Variants in EXOC3L4 observed in about 807,000 individuals in gnomAD.
EXOC3L4 encodes the protein exocyst complex component 3 like 4.
Under a neutral mutation model 69.7 loss-of-function variants are expected in EXOC3L4, and 62 were observed. That is an observed-to-expected ratio of 0.89 (90% CI 0.72 to 1.10). The LOEUF is 1.10. Among genes scored for constraint, EXOC3L4 ranks in the 50% least tolerant of loss-of-function variants. The probability of loss-of-function intolerance (pLI) is 0.00; values close to 1 mark genes in which losing one functional copy is unlikely to be tolerated. For missense variants in EXOC3L4, 1,087 were observed against 1,034.8 expected (o/e 1.05, Z -0.69); for synonymous variants, 502 against 464.2 (o/e 1.08, Z -1.05).
rs139791913 is a variant in EXOC3L4, at chr14:103,100,251, C to T, written c.32C>T (p.Pro11Leu). ...TCACCACAGACAGACACTCCTGGGCCGGAGCTGCAGAGTCCCAAGGAGGCT... is the reference window on the plus strand; with the variant it reads ...TCACCACAGACAGACACTCCTGGGCTGGAGCTGCAGAGTCCCAAGGAGGCT... Reference protein sequence around the residue: MPSPQTDTPGPELQSPKEAEE... With the variant: MPSPQTDTPGLELQSPKEAEE... Residue 11 changes from proline (P) to leucine (L), a missense_variant, in exon 2 of 12, where the codon CCG becomes CTG. Transcript: ENST00000688303. 1.7e-5 allele frequency: 27 copies of T among 1,579,710 alleles called. No individual in the cohort carries two copies. The highest frequency in any genetic ancestry group is 8.1e-5 in the African/African-American group (6 of 74,316).
At position 103,102,678 on chromosome 14, in the gene EXOC3L4, G is replaced by A; in HGVS notation, c.955G>A (p.Ala319Thr). ...GGTCTATCTGCGTGCCTTCCACAGCGCCGTGGCCCAGCGCCTCCAGGAGCT... is the reference window on the plus strand; with the variant it reads ...GGTCTATCTGCGTGCCTTCCACAGCACCGTGGCCCAGCGCCTCCAGGAGCT... The part of the protein sequence containing the change: ...WEVYLRAFHS[A>T]VAQRLQELAR... The change falls in exon 3 of 12, where the codon GCC (alanine) becomes ACC (threonine). Residue 319 changes from alanine to threonine, a missense_variant. By Grantham distance (58) the Ala-to-Thr change is moderately conservative. Transcript: ENST00000688303. 1 of 1,489,294 alleles carries A rather than the reference G, an allele frequency of 6.7e-7. No homozygotes were observed. Among genetic ancestry groups the A allele is most frequent in the Non-Finnish European group, 8.9e-7 (1 of 1,124,844 alleles). The allele number at this position is 1,489,294 out of a possible 1,614,324, so 92.3% of individuals were successfully genotyped here. A position where few individuals can be genotyped will look rare whatever the true frequency, so the allele number is the denominator to read the frequency against.
At chr14:103,108,980 C>A (rs1417436863) in intron 11 of EXOC3L4, among the ~76,000 whole-genome samples, 1 of 151,988 alleles carries the variant, frequency 6.6e-6, no homozygotes, top group Non-Finnish European at 1.5e-5. Context: ...TGGTTCATCC[C>A]CTTCCCCAGG....
chr14:103,107,890 A>T, intron 10 of EXOC3L4, 107 bp downstream of exon 10: 1 of 1,407,838 alleles, frequency 7.1e-7, no homozygotes, highest in Non-Finnish European at 9.3e-7. Context: ...GGTTCTCCCC[A>T]CTCTGGATCA....
At position 103,107,692 on chromosome 14, in the gene EXOC3L4, C is replaced by T; in HGVS notation, c.1763C>T (p.Pro588Leu). 6.4e-7 allele frequency: 1 copy of T among 1,556,712 alleles called. No individual in the cohort carries two copies. The highest frequency in any genetic ancestry group is 8.7e-7 in the Non-Finnish European group (1 of 1,149,490). The change falls in exon 10 of 12, where the codon CCA (proline) becomes CTA (leucine). Residue 588 changes from proline (P) to leucine (L), a missense_variant. Coordinates refer to ENST00000688303, the MANE Select transcript of EXOC3L4 (RefSeq NM_001077594.2). ...VREYLARALR[P>L]RERFRGMERM... is the part of the protein sequence containing the mutation. ...GAGTACCTGGCGCGGGCGCTGAGGC[C>T]ACGGGAGCGGTTCCGGGGCATGGAG...
intron 7 of EXOC3L4, among the ~76,000 whole-genome samples, chr14:103,106,490 A>G (rs1363566459): frequency 6.6e-6 from 1 of 152,180 alleles, no homozygotes; most frequent in Non-Finnish European, 1.5e-5. Context: ...GGCTCAGGGT[A>G]GGGTATGTTC....
At chr14:103,102,026 C>T in intron 2 of EXOC3L4, 92 bp from the exon 3 acceptor site, 5 of 1,342,140 alleles carry the variant, frequency 3.7e-6, no homozygotes, top group Non-Finnish European at 5.1e-6. Flanking sequence ...GACAATCCAG[C>T]CCCGATGGAT....
In EXOC3L4 at chr14:103,102,406, C is replaced by G; in HGVS notation, c.683C>G (p.Pro228Arg). ...VSAEEEAHPSPPDDGDFLRTP... is the reference protein window; with the variant it reads ...VSAEEEAHPSRPDDGDFLRTP... ...GCGGAGGAGGAAGCCCACCCTTCTC[C>G]CCCCGACGACGGCGACTTCCTGCGC... The change falls in exon 3 of 12, where the codon CCC (proline) becomes CGC (arginine). Residue 228 changes from proline (P) to arginine (R), a missense_variant. By Grantham distance (103) the Pro-to-Arg change is moderately radical. Coordinates refer to ENST00000688303, the MANE Select transcript of EXOC3L4 (RefSeq NM_001077594.2). 6.5e-7 allele frequency: 1 copy of G among 1,536,688 alleles called. No individual in the cohort carries two copies. Among genetic ancestry groups the G allele is most frequent in the Middle Eastern group, 1.7e-4 (1 of 5,754 alleles).
At chr14:103,103,917 C>T (rs1294374886) in intron 3 of EXOC3L4, 24 bp from the exon 4 acceptor site, 1 of 1,515,618 alleles carries the variant, frequency 6.6e-7, no homozygotes, top group Admixed American at 2.0e-5. Context: ...GCTCCCGCCC[C>T]CAGCCCCCTG....
intron 11 of EXOC3L4, 139 bp from the exon 12 acceptor site, chr14:103,109,892 C>T: frequency 1.1e-6 from 1 of 924,670 alleles, no homozygotes; most frequent in Admixed American, 2.9e-5. Flanking sequence ...TTCCTGGCCT[C>T]AGTCAATCTG....
Position 103,108,392 on chromosome 14 carries a change from G to T in EXOC3L4, c.1855-4G>T, listed in dbSNP as rs370314474. 7 of 1,612,594 alleles carry T rather than the reference G, an allele frequency of 4.3e-6. No homozygotes were observed. Among genetic ancestry groups the T allele is most frequent in the Admixed American group, 1.7e-5 (1 of 59,898 alleles). ...TTGGGGCAGGCGGTGGCTCTGTCTC[G>T]CAGGGTTCCGAGGCCACATGGTTGG... On this transcript the variant is annotated splice_region_variant and splice_polypyrimidine_tract_variant and intron_variant, in intron 10 of 11. Coordinates refer to ENST00000688303, the MANE Select transcript of EXOC3L4 (RefSeq NM_001077594.2).
rs1890692441 is a variant in EXOC3L4, at chr14:103,108,285, G to C, written c.1855-111G>C. 4.1e-6 allele frequency: 6 copies of C among 1,479,722 alleles called. No individual in the cohort carries two copies. The South Asian group carries it at 7.7e-5, about 19-fold the overall frequency. 91.7% of individuals were successfully genotyped at this position (1,479,722 alleles called of 1,614,324 possible). A position where few individuals can be genotyped will look rare whatever the true frequency, so the allele number is the denominator to read the frequency against. Reference sequence around the variant, plus strand: ...CGGCACCGAGCCAGAGTGACTACAGGAGGGCTGACGCTGCGGGAGGGCTGA... The same window carrying C: ...CGGCACCGAGCCAGAGTGACTACAGCAGGGCTGACGCTGCGGGAGGGCTGA... On this transcript the variant is annotated intron_variant, in intron 10 of 11. Coordinates refer to ENST00000688303, the MANE Select transcript of EXOC3L4 (RefSeq NM_001077594.2).
intron 1 of EXOC3L4, 144 bp from the exon 2 acceptor site, chr14:103,100,060 G>T (rs41310844): frequency 2.3e-6 from 2 of 865,244 alleles, no homozygotes; most frequent in Non-Finnish European, 3.4e-6. Context: ...CAAGAGAGTG[G>T]CCTGGTGATG....
rs754419461 is a variant in EXOC3L4, at chr14:103,102,149, A to C, written c.426A>C (p.Glu142Asp). Residue 142 changes from glutamate to aspartate, a missense_variant, in exon 3 of 12, where the codon GAA becomes GAC. Transcript: ENST00000688303. ...AATCCGTGGCCGACCTCATTACTGA[A>C]CGGCAACTGCTGGCGGCCTTCGAAC... ...EGKSVADLIT[E>D]RQLLAAFEQL... The C allele has an allele frequency of 1.7e-5, 28 of 1,606,204 alleles. No individual in the cohort carries two copies. The highest frequency in any genetic ancestry group is 2.2e-5 in the Non-Finnish European group (26 of 1,176,990).
At chr14:103,103,795 CGCGTGT>C (rs944303730) in intron 3 of EXOC3L4, 140 bp from the exon 4 acceptor site, 23 of 442,276 alleles carry the variant, frequency 5.2e-5, no homozygotes, top group African/African-American at 4.3e-4. Flanking sequence ...GAGGCGCGCG[CGCGTGT>C]GTGTGTGTGT....
intron 3 of EXOC3L4, among the ~76,000 whole-genome samples, 195 bp downstream of exon 3, chr14:103,102,967 G>A (rs1214349115): frequency 3.3e-5 from 5 of 152,236 alleles, no homozygotes; most frequent in Admixed American, 1.3e-4. Flanking sequence ...TTTTCTAGGG[G>A]TCACCCATAC....
intron 3 of EXOC3L4, among the ~76,000 whole-genome samples, chr14:103,103,367 A>AAAAG (rs1555403225): frequency 2.5e-4 from 38 of 149,740 alleles, no homozygotes; most frequent in African/African-American, 9.1e-4. Context: ...AAAAAAAAAA[A>AAAAG]AAAAGAAAGA....
intron 3 of EXOC3L4, 174 bp from the exon 4 acceptor site, chr14:103,103,767 G>T (rs1030944298): frequency 2.1e-5 from 11 of 532,560 alleles, no homozygotes; most frequent in African/African-American, 1.6e-4. Flanking sequence ...CCGGGAGGGG[G>T]TGTGGCATGG....
At chr14:103,103,879 G>A in intron 3 of EXOC3L4, 62 bp from the exon 4 acceptor site, 1 of 1,163,476 alleles carries the variant, frequency 8.6e-7, no homozygotes, top group Non-Finnish European at 1.2e-6. Flanking sequence ...CTGGCCAGAA[G>A]AGGGGCAGCG....
Position 103,100,253 on chromosome 14 carries a change from G to C in EXOC3L4, c.34G>C (p.Glu12Gln). 6.3e-7 allele frequency: 1 copy of C among 1,579,876 alleles called. No homozygotes were observed. Reference protein sequence around the residue: ...PSPQTDTPGPELQSPKEAEEP... With the variant: ...PSPQTDTPGPQLQSPKEAEEP... ...ACCACAGACAGACACTCCTGGGCCG[G>C]AGCTGCAGAGTCCCAAGGAGGCTGA... Residue 12 changes from glutamate (E) to glutamine (Q), a missense_variant, in exon 2 of 12, where the codon GAG (glutamate) becomes CAG (glutamine). Physicochemically the swap from Glu to Gln is conservative, Grantham distance 29. Transcript: ENST00000688303.
Sources: gnomAD v4.1 joint callset for allele counts (sites outside exome capture counted in the v4.1 genomes callset) on GRCh38, gnomAD v4.1.1 for gene constraint, MANE v1.5 for transcripts, NCBI Gene and HGNC (gene_info 2026-07-23, HGNC 2026-07-21) for gene names.